Variants in CADM2 observed in about 807,000 individuals in gnomAD.
CADM2 encodes immunoglobulin superfamily member 4D.
CADM2 carries 12 observed loss-of-function variants against 49.8 expected under a neutral mutation model. That is an observed-to-expected ratio of 0.24 (90% CI 0.15 to 0.39). The LOEUF is 0.39. Ranked by LOEUF, CADM2 falls within the 10% of genes least tolerant of loss-of-function variation. The pLI, the probability that CADM2 is intolerant of heterozygous loss-of-function variation, is 1.00. For synonymous variants in CADM2, 214 were observed against 175.4 expected (o/e 1.22, Z -1.74); for missense variants, 378 against 492.3 (o/e 0.77, Z 2.20).
chr3:85,861,192 C>G (rs1430451938), intron 3 of CADM2, among the ~76,000 whole-genome samples: 1 of 152,096 alleles, frequency 6.6e-6, no homozygotes, highest in Non-Finnish European at 1.5e-5. Flanking sequence ...AGTTAGGAGT[C>G]TCAAAAATCC....
intron 1 of CADM2, among the ~76,000 whole-genome samples, chr3:85,086,892 C>T (rs1007564344): frequency 2.0e-5 from 3 of 152,064 alleles, no homozygotes; most frequent in Non-Finnish European, 2.9e-5. Flanking sequence ...ATGGTGTAGC[C>T]ATCTGCTTTC....
intron 1 of CADM2, among the ~76,000 whole-genome samples, chr3:85,622,873 G>A (rs963367500): frequency 6.6e-6 from 1 of 151,962 alleles, no homozygotes; most frequent in East Asian, 1.9e-4. Flanking sequence ...AATTTTTTTT[G>A]TTTTGTTTTG....
chr3:85,342,007 C>CA (rs2045252613), intron 1 of CADM2, among the ~76,000 whole-genome samples: 1 of 152,132 alleles, frequency 6.6e-6, no homozygotes, highest in Admixed American at 6.5e-5. Flanking sequence ...CCAAAATTGA[C>CA]AAATTGGATC....
intron 8 of CADM2, among the ~76,000 whole-genome samples, chr3:86,049,699 C>T (rs1036579143): frequency 2.6e-5 from 4 of 152,038 alleles, no homozygotes; most frequent in African/African-American, 9.7e-5. Flanking sequence ...TAGCAGAAGG[C>T]AAAGGGGGAA....
intron 1 of CADM2, among the ~76,000 whole-genome samples, chr3:85,359,304 A>T (rs1176977177): frequency 6.6e-6 from 1 of 152,080 alleles, no homozygotes; most frequent in East Asian, 1.9e-4. Context: ...TCAGTATAGC[A>T]TTGCATTATA....
In CADM2 at chr3:86,014,082, G is replaced by A; in HGVS notation, c.971-51523G>A. 2.3e-6 allele frequency: 3 copies of A among 1,290,128 alleles called. No individual in the cohort carries two copies. In the South Asian group the frequency reaches 4.7e-5, roughly 20 times the overall value. 79.9% of individuals were successfully genotyped at this position (1,290,128 alleles called of 1,614,324 possible). On this transcript the variant is annotated intron_variant, in intron 8 of 9. Transcript: ENST00000383699. Reference sequence around the variant, plus strand: ...TCTTTTTCACAACGGTTAAGAAAGGGGTAAAGAACTGAAGGAAATCTGCCA... The same window carrying A: ...TCTTTTTCACAACGGTTAAGAAAGGAGTAAAGAACTGAAGGAAATCTGCCA...
intron 1 of CADM2, among the ~76,000 whole-genome samples, chr3:85,624,517 G>A (rs1210223166): frequency 6.6e-6 from 1 of 151,986 alleles, no homozygotes; most frequent in Non-Finnish European, 1.5e-5. Context: ...ATTTTTGGTA[G>A]AAGTGGGGTT....
At chr3:85,049,335 A>G (rs1473072780) in intron 1 of CADM2, among the ~76,000 whole-genome samples, 4 of 146,218 alleles carry the variant, frequency 2.7e-5, no homozygotes, top group African/African-American at 4.9e-5. Context: ...TAGTTTATTT[A>G]TTTATTTATT....
At chr3:85,893,475 C>G (rs1714760059) in intron 5 of CADM2, among the ~76,000 whole-genome samples, 1 of 152,120 alleles carries the variant, frequency 6.6e-6, no homozygotes, top group Non-Finnish European at 1.5e-5. Flanking sequence ...GCAATGGCAA[C>G]AAAAGCCAAA....
At chr3:86,045,744 A>G (rs1017598971) in intron 8 of CADM2, among the ~76,000 whole-genome samples, 3 of 152,186 alleles carry the variant, frequency 2.0e-5, no homozygotes, top group Non-Finnish European at 4.4e-5. Context: ...TAAGAACAAT[A>G]ACAACACTAA....
intron 8 of CADM2, among the ~76,000 whole-genome samples, chr3:86,030,543 T>G (rs537811745): frequency 1.3e-5 from 2 of 152,122 alleles, no homozygotes; most frequent in South Asian, 4.1e-4. Context: ...AATGTGGTAA[T>G]TAAATATGAA....
intron 1 of CADM2, among the ~76,000 whole-genome samples, chr3:85,371,796 GCTAA>G (rs768500652): frequency 4.0e-5 from 6 of 148,394 alleles, no homozygotes; most frequent in Non-Finnish European, 8.9e-5. Context: ...TATATGGAAG[GCTAA>G]CTTTTTGTAT....
At chr3:85,890,279 T>G (rs1266134188) in intron 5 of CADM2, among the ~76,000 whole-genome samples, 1 of 152,080 alleles carries the variant, frequency 6.6e-6, no homozygotes, top group African/African-American at 2.4e-5. Flanking sequence ...AGTTCATCTG[T>G]ATTTTACATG....
At chr3:85,603,194 G>C (rs2063458224) in intron 1 of CADM2, among the ~76,000 whole-genome samples, 1 of 151,810 alleles carries the variant, frequency 6.6e-6, no homozygotes, top group South Asian at 2.1e-4. Flanking sequence ...TTTAAAACCT[G>C]AATACATGAA....
At chr3:85,545,293 A>AT (rs1302215497) in intron 1 of CADM2, among the ~76,000 whole-genome samples, 6 of 152,158 alleles carry the variant, frequency 3.9e-5, no homozygotes, top group Non-Finnish European at 7.4e-5. Context: ...TGTAATGACT[A>AT]TTTTTTGGGC....
chr3:85,003,201 A>G (rs893360931), intron 1 of CADM2, among the ~76,000 whole-genome samples: 3 of 152,278 alleles, frequency 2.0e-5, no homozygotes, highest in Non-Finnish European at 4.4e-5. Context: ...CTATTTTTCT[A>G]TTAAAATAAT....
intron 8 of CADM2, among the ~76,000 whole-genome samples, chr3:85,996,812 T>C (rs754900771): frequency 3.4e-4 from 52 of 152,204 alleles, no homozygotes; most frequent in Non-Finnish European, 5.1e-4. Context: ...AGATTAGTTA[T>C]TTTAATGGCT....
chr3:86,033,461 C>T (rs192383705), intron 8 of CADM2, among the ~76,000 whole-genome samples: 30 of 151,680 alleles, frequency 2.0e-4, no homozygotes, highest in African/African-American at 7.2e-4. Context: ...ATTTCTTCCC[C>T]CAGCATCCTC....
chr3:85,678,505 C>T (rs1012697109), intron 1 of CADM2, among the ~76,000 whole-genome samples: 1 of 152,092 alleles, frequency 6.6e-6, no homozygotes, highest in Non-Finnish European at 1.5e-5. Context: ...TTCTAGTCAT[C>T]CTACATACGA....
Sources: allele counts gnomAD v4.1 joint callset (sites outside exome capture counted in the v4.1 genomes callset), GRCh38; gene constraint gnomAD v4.1.1; transcripts MANE v1.5; gene names NCBI Gene and HGNC (gene_info 2026-07-23, HGNC 2026-07-21).